The following COL5A1 variants were observed in gnomAD, a reference collection of about 807,000 sequenced individuals.
COL5A1 encodes collagen type V alpha 1 chain, also known as collagen alpha-1(V) chain.
Under a neutral mutation model 263.7 loss-of-function variants are expected in COL5A1, and 16 were observed. The ratio of observed to expected loss-of-function variants is 0.06; its 90% CI spans 0.04 to 0.09. The LOEUF is 0.09. COL5A1 is among the 10% of genes least tolerant of loss of function. The probability of loss-of-function intolerance (pLI) is 1.00; values close to 1 mark genes in which losing one functional copy is unlikely to be tolerated. For synonymous variants in COL5A1, 1,012 were observed against 1,004.5 expected (o/e 1.01, Z -0.14); for missense variants, 2,036 against 2,540.5 (o/e 0.80, Z 4.27).
At chr9:134,703,252 C>T (rs1311911790) in intron 4 of COL5A1, among the ~76,000 whole-genome samples, 1 of 152,204 alleles carries the variant, frequency 6.6e-6, no homozygotes. Flanking sequence ...GAGACACACC[C>T]TCCGGGCACA....
At chr9:134,797,302 AGT>A (rs1379290062) in intron 36 of COL5A1, among the ~76,000 whole-genome samples, 1 of 152,118 alleles carries the variant, frequency 6.6e-6, no homozygotes, top group Non-Finnish European at 1.5e-5. Flanking sequence ...TGGAGAGCAA[AGT>A]GTGGTCAGTC....
rs769244075 is a variant in COL5A1 at position 134,731,560 on chromosome 9, G to A, written c.1229G>A (p.Arg410Gln). The stretch of plus-strand genomic sequence containing the variant: ...GGGGAGTTCACTGAGGAAACGATCC[G>A]GAACCTTGACGAGAACTACTACGAC... The part of the protein sequence containing the change: ...LEGEFTEETI[R>Q]NLDENYYDPY... The change falls in exon 8 of 66, where the codon CGG becomes CAG. Residue 410 changes from arginine to glutamine, a missense_variant. Physicochemically the swap from Arg to Gln is conservative, Grantham distance 43. Around this residue, in one of 3 missense-constraint regions of COL5A1, gnomAD observed 600 missense variants for 634.5 expected, o/e 0.95. Coordinates refer to ENST00000371817, the MANE Select transcript of COL5A1 (RefSeq NM_000093.5). The A allele has an allele frequency of 4.3e-6, 7 of 1,614,088 alleles. No homozygotes were observed. The highest frequency in any genetic ancestry group is 1.3e-5 in the African/African-American group (1 of 74,928).
intron 1 of COL5A1, among the ~76,000 whole-genome samples, chr9:134,684,048 G>A (rs1300898462): frequency 6.6e-6 from 1 of 152,230 alleles, no homozygotes; most frequent in Non-Finnish European, 1.5e-5. Context: ...CCCGAAAGCA[G>A]CGGACTTCTG....
rs1489861364 is a variant in COL5A1, at chr9:134,756,630, C to T, written c.1828-135C>T. On this transcript the variant is annotated intron_variant, in intron 16 of 65. Transcript: ENST00000371817. ...GATCTGGGTCCTCGCAGCAGCCCGG[C>T]CACTCGGGCTGTGACCTTGGGGGTG... is the stretch of plus-strand genomic sequence containing the variant. 34 of 952,346 alleles carry T rather than the reference C, an allele frequency of 3.6e-5. No individual in the cohort carries two copies. The South Asian group carries it at 3.7e-4, about 10-fold the overall frequency. 59.0% of individuals were successfully genotyped at this position (952,346 alleles called of 1,614,324 possible).
Position 134,824,871 on chromosome 9 carries a change from G to A in COL5A1, c.4954+16G>A, listed in dbSNP as rs370938164. ...TTCCCAGATGGTGAGGGCCTGGGGGGGCAGGGGTGGCCCCCCAAAGCGGGC... is the reference window on the plus strand; with the variant it reads ...TTCCCAGATGGTGAGGGCCTGGGGGAGCAGGGGTGGCCCCCCAAAGCGGGC... On this transcript the variant is annotated intron_variant, in intron 62 of 65. Coordinates refer to ENST00000371817, the MANE Select transcript of COL5A1 (RefSeq NM_000093.5). 52 of 1,604,186 alleles carry A rather than the reference G, an allele frequency of 3.2e-5. No individual in the cohort carries two copies. In the African/African-American group the frequency reaches 4.8e-4, roughly 15 times the overall value.
chr9:134,795,505 T>A (rs1406687731), intron 34 of COL5A1, among the ~76,000 whole-genome samples, 190 bp downstream of exon 34: 1 of 151,552 alleles, frequency 6.6e-6, no homozygotes, highest in African/African-American at 2.4e-5. Context: ...CAGATGTAAT[T>A]AAGTGGCTGA....
chr9:134,645,596 G>C (rs1195472637), intron 1 of COL5A1, among the ~76,000 whole-genome samples: 1 of 152,264 alleles, frequency 6.6e-6, no homozygotes, highest in African/African-American at 2.4e-5. Context: ...GCTGGCACTT[G>C]CCTGGCCTGT....
chr9:134,771,118 C>G (rs563942917), intron 25 of COL5A1, among the ~76,000 whole-genome samples: 10 of 152,248 alleles, frequency 6.6e-5, no homozygotes, highest in Admixed American at 1.3e-4. Flanking sequence ...TTATCTCCAG[C>G]CTGGAACTGA....
chr9:134,697,056 G>T (rs956521570), intron 2 of COL5A1, among the ~76,000 whole-genome samples: 2 of 151,772 alleles, frequency 1.3e-5, no homozygotes, highest in African/African-American at 4.8e-5. Flanking sequence ...GGGCAACAGA[G>T]TGAGACTCTG....
intron 53 of COL5A1, 95 bp from the exon 54 acceptor site, chr9:134,817,683 C>T (rs1838812847): frequency 9.4e-7 from 1 of 1,063,554 alleles, no homozygotes; most frequent in East Asian, 2.7e-5. Flanking sequence ...CCCCTGCAGG[C>T]CACACACACA....
intron 4 of COL5A1, among the ~76,000 whole-genome samples, chr9:134,702,155 C>T (rs978054803): frequency 4.6e-5 from 7 of 152,160 alleles, no homozygotes; most frequent in East Asian, 1.9e-4. Flanking sequence ...CCGTTGCCTC[C>T]GCGGCTTGGG....
intron 46 of COL5A1, 110 bp from the exon 47 acceptor site, chr9:134,812,339 G>A: frequency 2.6e-6 from 3 of 1,151,544 alleles, no homozygotes; most frequent in South Asian, 2.5e-5. Context: ...CACCTTCCCG[G>A]GGCTTCGGGG....
chr9:134,802,947 C>A lies in COL5A1; in HGVS notation c.3066C>A (p.Pro1022=). The A allele has an allele frequency of 6.2e-7, 1 of 1,611,244 alleles. No individual in the cohort carries two copies. Among genetic ancestry groups the A allele is most frequent in the Non-Finnish European group, 8.5e-7 (1 of 1,179,260 alleles). The change falls in exon 39 of 66, where the codon CCC becomes CCA. Residue 1022 remains proline, a synonymous_variant. Transcript: ENST00000371817. ...GTGGCCACCCTGGGCCCCCTGGACC[C>A]CCCGGTGAACAGGGGCTTCCGGGCC... ...GERGHPGPPG[P]PGEQGLPGLA...
chr9:134,790,321 C>CCCATCCAT (rs1187124591), intron 32 of COL5A1, among the ~76,000 whole-genome samples: 1 of 150,526 alleles, frequency 6.6e-6, no homozygotes, highest in East Asian at 2.0e-4. Flanking sequence ...CATCCACCCA[C>CCCATCCAT]CCATCCATCC....
intron 9 of COL5A1, among the ~76,000 whole-genome samples, chr9:134,734,856 C>A (rs1191534491): frequency 2.0e-5 from 3 of 152,092 alleles, no homozygotes; most frequent in African/African-American, 7.2e-5. Context: ...ATGGGTGGAC[C>A]CTCCATTGAG....
chr9:134,724,388 C>T (rs1171000929), intron 4 of COL5A1, among the ~76,000 whole-genome samples: 1 of 152,218 alleles, frequency 6.6e-6, no homozygotes, highest in East Asian at 1.9e-4. Flanking sequence ...GGCCACACAG[C>T]CAGGCAACGG....
At chr9:134,740,408 G>A (rs973009035) in intron 11 of COL5A1, among the ~76,000 whole-genome samples, 2 of 152,242 alleles carry the variant, frequency 1.3e-5, no homozygotes, top group African/African-American at 2.4e-5. Context: ...AGCTGCCTGC[G>A]GATGGGTCCA....
chr9:134,764,153 G>C (rs1421845980), intron 20 of COL5A1, among the ~76,000 whole-genome samples: 1 of 147,894 alleles, frequency 6.8e-6, no homozygotes, highest in Non-Finnish European at 1.5e-5. Flanking sequence ...GCATCATTGG[G>C]AGGGTCCAGG....
Position 134,700,035 on chromosome 9 carries a change from C to G in COL5A1, c.404C>G (p.Ser135Cys), listed in dbSNP as rs201997623. The part of the protein sequence containing the change: ...IQQIGLELGR[S>C]PVFLYEDHTG... ...CAGATTGGGCTGGAGCTGGGCCGCTCTCCCGTCTTCCTCTACGAGGACCAC... is the reference window on the plus strand; with the variant it reads ...CAGATTGGGCTGGAGCTGGGCCGCTGTCCCGTCTTCCTCTACGAGGACCAC... Residue 135 changes from serine to cysteine, a missense_variant, in exon 3 of 66, where the codon TCT (serine) becomes TGT (cysteine). Physicochemically the swap from Ser to Cys is moderately radical, Grantham distance 112. Around this residue, in one of 3 missense-constraint regions of COL5A1, gnomAD observed 600 missense variants for 634.5 expected, o/e 0.95. Coordinates refer to ENST00000371817, the MANE Select transcript of COL5A1 (RefSeq NM_000093.5). This position sits in a 1 kb window ranked among gnomAD's most constrained non-coding sequence, Gnocchi z 4.0. The G allele has an allele frequency of 6.2e-7, 1 of 1,613,584 alleles. No individual in the cohort carries two copies. The highest frequency in any genetic ancestry group is 8.5e-7 in the Non-Finnish European group (1 of 1,180,042).
Sources: gnomAD v4.1 joint callset for allele counts (sites outside exome capture counted in the v4.1 genomes callset) on GRCh38, gnomAD v4.1.1 for gene constraint, gnomAD v4.1.1 regional missense constraint, Gnocchi (gnomAD v3.1) non-coding constraint, MANE v1.5 for transcripts, NCBI Gene and HGNC (gene_info 2026-07-23, HGNC 2026-07-21) for gene names.